The following GLT8D1 variants were observed in gnomAD, a reference collection of about 807,000 sequenced individuals.
GLT8D1 encodes glycosyltransferase 8 domain containing 1, also known as glycosyltransferase 8 domain-containing protein 1.
In GLT8D1, 41 loss-of-function variants were observed where a neutral mutation model predicts 46.2. The ratio of observed to expected loss-of-function variants is 0.89; its 90% CI spans 0.69 to 1.15. The LOEUF (loss-of-function observed/expected upper bound fraction) is 1.15. GLT8D1 is among the 50% of genes most tolerant of loss of function. GLT8D1 has a pLI of 0.00. For missense variants in GLT8D1, 408 were observed against 449.3 expected (o/e 0.91, Z 0.83); for synonymous variants, 150 against 154.2 (o/e 0.97, Z 0.20).
intron 1 of GLT8D1, among the ~76,000 whole-genome samples, chr3:52,704,157 CA>C (rs1233709749): frequency 1.4e-4 from 20 of 145,114 alleles, no homozygotes; most frequent in Admixed American, 1.4e-4. Context: ...ACTGTGGATA[CA>C]AAAAAAAAAG....
At chr3:52,698,354 T>C (rs1284388626) in intron 3 of GLT8D1, among the ~76,000 whole-genome samples, 1 of 152,134 alleles carries the variant, frequency 6.6e-6, no homozygotes, top group African/African-American at 2.4e-5. Context: ...TCACAATCAA[T>C]TTATACAGAA....
intron 1 of GLT8D1, 109 bp from the exon 2 acceptor site, chr3:52,700,605 T>C: frequency 1.8e-6 from 1 of 548,114 alleles, no homozygotes; most frequent in Admixed American, 3.1e-5. Context: ...AAGAGGCATA[T>C]ACAGTATTCC....
rs775421616 is a variant in GLT8D1 at position 52,697,986 on chromosome 3, A to AG, written c.116-53dup. The AG allele has an allele frequency of 4.5e-6, 5 of 1,101,824 alleles. 1 individual carries two copies. In the South Asian group the frequency reaches 6.2e-5, roughly 14 times the overall value. 68.3% of individuals were successfully genotyped at this position (1,101,824 alleles called of 1,614,324 possible). On this transcript the variant is annotated intron_variant, in intron 3 of 9. Transcript: ENST00000266014. ...TTACAATCTCATGGGCTTTTGATAT[A>AG]GAGTCCAAGACATGGAAAAAGGGAA...
Position 52,700,376 on chromosome 3 carries a change from A to G in GLT8D1, c.17-16T>C. ...ATGATGTTTACTGAAATAGATAGGG[A>G]AAACCTATGTTATACCTCTTTATCT... On this transcript the variant is annotated splice_polypyrimidine_tract_variant and intron_variant, in intron 2 of 9. Transcript: ENST00000266014. 6.2e-7 allele frequency: 1 copy of G among 1,602,400 alleles called. No individual in the cohort carries two copies. The highest frequency in any genetic ancestry group is 8.5e-7 in the Non-Finnish European group (1 of 1,169,722).
chr3:52,696,434 C>T, intron 5 of GLT8D1, 108 bp downstream of exon 5: 1 of 1,006,948 alleles, frequency 9.9e-7, no homozygotes, highest in Non-Finnish European at 1.6e-6. Flanking sequence ...CTCTTAGAAC[C>T]ACCCAGGCTT....
chr3:52,705,782 C>A lies in GLT8D1; in HGVS notation c.-372G>T. ...GTAACCGCTAGAGCGTCGCGCCAAG[C>A]AGGCGCCGCGGGGCAGCCCTGCCGC... On this transcript the variant is annotated 5_prime_UTR_variant, in exon 1 of 10. Coordinates refer to ENST00000266014, the MANE Select transcript of GLT8D1 (RefSeq NM_018446.4). The A allele has an allele frequency of 1.6e-6, 2 of 1,222,486 alleles. No individual in the cohort carries two copies. Among genetic ancestry groups the A allele is most frequent in the Non-Finnish European group, 2.1e-6 (2 of 958,140 alleles). 75.7% of individuals were successfully genotyped at this position (1,222,486 alleles called of 1,614,324 possible). A position where few individuals can be genotyped will look rare whatever the true frequency, so the allele number is the denominator to read the frequency against.
chr3:52,695,168 G>A lies in GLT8D1; in HGVS notation c.925+22C>T, dbSNP rs746334400. ...AGATACCAATTCTTTACTAGCTTAT[G>A]CCACTGGTTAATTCTACTTACCAAG... is the stretch of plus-strand genomic sequence containing the variant. On this transcript the variant is annotated intron_variant, in intron 9 of 9. Coordinates refer to ENST00000266014, the MANE Select transcript of GLT8D1 (RefSeq NM_018446.4). The A allele has an allele frequency of 4.5e-6, 7 of 1,539,596 alleles. No individual in the cohort carries two copies. The Admixed American group carries it at 1.2e-4, about 26-fold the overall frequency.
chr3:52,696,313 G>A lies in GLT8D1; in HGVS notation c.453C>T (p.Thr151=), dbSNP rs371584519. 6.9e-6 allele frequency: 11 copies of A among 1,604,182 alleles called. No individual in the cohort carries two copies. Among genetic ancestry groups the A allele is most frequent in the Non-Finnish European group, 9.4e-6 (11 of 1,170,992 alleles). The change falls in exon 6 of 10, where the codon ACC becomes ACT. Residue 151 remains threonine (T), a synonymous_variant. Transcript: ENST00000266014. ...GAATTGGCAAGTAGAACCTTGCAAA[G>A]GTTAACTGGAAAAGGAAAGAATAAT... ...PDQGESMKPL[T]FARFYLPILV...
At position 52,695,629 on chromosome 3, in the gene GLT8D1, A is replaced by AAAAT. The variant is rs759550004; in HGVS notation, c.646-46_646-43dup. 3.4e-6 allele frequency: 4 copies of AAAAT among 1,162,534 alleles called. No individual in the cohort carries two copies. In the Admixed American group the frequency reaches 7.6e-5, roughly 22 times the overall value. 72.0% of individuals were successfully genotyped at this position (1,162,534 alleles called of 1,614,324 possible). On this transcript the variant is annotated intron_variant, in intron 7 of 9. Transcript: ENST00000266014. The stretch of plus-strand genomic sequence containing the variant: ...GATATATGTACTTACTGCTTCAAAC[A>AAAAT]AAATAGATACAATTTTATAGCCAGT...
At position 52,694,791 on chromosome 3, in the gene GLT8D1, A is replaced by T. The variant is rs968317996; in HGVS notation, c.*54T>A. 7.2e-6 allele frequency: 9 copies of T among 1,242,216 alleles called. No homozygotes were observed. The highest frequency in any genetic ancestry group is 1.7e-5 in the Admixed American group (1 of 59,410). The allele number at this position is 1,242,216 out of a possible 1,614,324, so 76.9% of individuals were successfully genotyped here. On this transcript the variant is annotated 3_prime_UTR_variant, in exon 10 of 10. Transcript: ENST00000266014. The stretch of plus-strand genomic sequence containing the variant: ...GCCTAGCAACTGTTACTTCCCACGC[A>T]TGCTATCTTCCAGGACTTCCTGAGA...
In GLT8D1 at chr3:52,697,811, GCC is replaced by G; in HGVS notation, c.237_238del (p.Ala80HisfsTer36). 6.2e-7 allele frequency: 1 copy of G among 1,612,920 alleles called. No individual in the cohort carries two copies. Among genetic ancestry groups the G allele is most frequent in the Non-Finnish European group, 8.5e-7 (1 of 1,179,032 alleles). ...CTGAATGCTGTTTATAGCTGCAATG[GCC>G]CCCCCAAGCCTGTCTTCAGATGCAG... On this transcript the variant is annotated frameshift_variant, in exon 4 of 10. Transcript: ENST00000266014. LOFTEE classifies it high-confidence loss of function.
Position 52,694,897 on chromosome 3 carries a change from G to A in GLT8D1, c.1064C>T (p.Thr355Ile), listed in dbSNP as rs1364173975. 1.9e-6 allele frequency: 3 copies of A among 1,612,020 alleles called. No individual in the cohort carries two copies. The highest frequency in any genetic ancestry group is 2.7e-5 in the African/African-American group (2 of 75,004). Residue 355 changes from threonine to isoleucine, a missense_variant, in exon 10 of 10, where the codon ACA becomes ATA. Physicochemically the swap from Thr to Ile is moderately conservative, Grantham distance 89. Coordinates refer to ENST00000266014, the MANE Select transcript of GLT8D1 (RefSeq NM_018446.4). ...TCTTCGGATTAGGTTGAATTTGCCT[G>A]TTGGGTCTGGAATATACCATTTTTC... ...VWEKWYIPDP[T>I]GKFNLIRRYT... is the part of the protein sequence containing the mutation.
intron 1 of GLT8D1, among the ~76,000 whole-genome samples, chr3:52,701,662 C>T (rs751221414): frequency 1.3e-5 from 2 of 152,090 alleles, no homozygotes; most frequent in Non-Finnish European, 2.9e-5. Flanking sequence ...CCACCACGCC[C>T]GGCCAAAAAA....
intron 3 of GLT8D1, among the ~76,000 whole-genome samples, chr3:52,699,799 C>G (rs1241516968): frequency 1.3e-5 from 2 of 152,156 alleles, no homozygotes; most frequent in Non-Finnish European, 2.9e-5. Flanking sequence ...GGGTGGCAAT[C>G]CAAAAATGAT....
At chr3:52,697,585 C>T (rs1398273020) in intron 4 of GLT8D1, 136 bp downstream of exon 4, 2 of 701,822 alleles carry the variant, frequency 2.8e-6, no homozygotes, top group Non-Finnish European at 2.5e-6. Flanking sequence ...AAAAATATGT[C>T]ATTTGTACAG....
Position 52,696,778 on chromosome 3 carries a change from G to A in GLT8D1, c.330-119C>T, listed in dbSNP as rs2097334148. On this transcript the variant is annotated intron_variant, in intron 4 of 9. Coordinates refer to ENST00000266014, the MANE Select transcript of GLT8D1 (RefSeq NM_018446.4). ...GTTTTCAAGCTCCTTTTATCTCTGA[G>A]CTTTGGTTTCCTCGTCTGAAGTGAG... 6.2e-6 allele frequency: 4 copies of A among 644,606 alleles called. No individual in the cohort carries two copies. The South Asian group carries it at 8.1e-5, about 13-fold the overall frequency. The allele number at this position is 644,606 out of a possible 1,614,324, so 39.9% of individuals were successfully genotyped here.
chr3:52,695,663 G>A, intron 7 of GLT8D1, 76 bp from the exon 8 acceptor site: 4 of 880,092 alleles, frequency 4.5e-6, no homozygotes, highest in Non-Finnish European at 7.3e-6. Context: ...GTAGAGAGAA[G>A]AGCTGTTAAA....
rs754349000 is a variant in GLT8D1, at chr3:52,700,349, T to C, written c.28A>G (p.Ile10Val). Residue 10 changes from isoleucine (I) to valine (V), a missense_variant, in exon 3 of 10, where the codon ATC becomes GTC. Ile to Val is a conservative substitution (Grantham distance 29). Coordinates refer to ENST00000266014, the MANE Select transcript of GLT8D1 (RefSeq NM_018446.4). Reference sequence around the variant, plus strand: ...AAGAGAGCAACAGCCAGGACCAAGATGATGATGTTTACTGAAATAGATAGG... The same window carrying C: ...AAGAGAGCAACAGCCAGGACCAAGACGATGATGTTTACTGAAATAGATAGG... The part of the protein sequence containing the change: MSFRKVNII[I>V]LVLAVALFLL... 2 of 1,613,034 alleles carry C rather than the reference T, an allele frequency of 1.2e-6. No homozygotes were observed. Among genetic ancestry groups the C allele is most frequent in the Non-Finnish European group, 8.5e-7 (1 of 1,179,110 alleles).
intron 3 of GLT8D1, 119 bp downstream of exon 3, chr3:52,700,143 T>A: frequency 3.0e-6 from 2 of 658,836 alleles, no homozygotes; most frequent in Non-Finnish European, 5.3e-6. Context: ...TTCTGTCAGA[T>A]CAAACCCTTA....
Sources: allele counts gnomAD v4.1 joint callset (sites outside exome capture counted in the v4.1 genomes callset), GRCh38; gene constraint gnomAD v4.1.1; transcripts MANE v1.5; gene names NCBI Gene and HGNC (gene_info 2026-07-23, HGNC 2026-07-21).